Variants in LMCD1 observed in about 807,000 individuals in gnomAD.
LMCD1 encodes the protein LIM and cysteine-rich domains protein 1.
In LMCD1, 32 loss-of-function variants were observed where a neutral mutation model predicts 42.7. The ratio of observed to expected loss-of-function variants is 0.75; its 90% CI spans 0.57 to 1.01. The LOEUF (loss-of-function observed/expected upper bound fraction) is 1.01, where lower values mean the gene tolerates loss of function less well. Ranked by LOEUF, LMCD1 falls within the 50% of genes least tolerant of loss-of-function variation. LMCD1 has a pLI of 0.00. For missense variants in LMCD1, 458 were observed against 483.1 expected (o/e 0.95, Z 0.49); for synonymous variants, 178 against 184.9 (o/e 0.96, Z 0.30).
chr3:8,561,852 C>A (rs765706236), intron 4 of LMCD1, among the ~76,000 whole-genome samples: 9 of 139,754 alleles, frequency 6.4e-5, no homozygotes, highest in Non-Finnish European at 1.1e-4. Flanking sequence ...GACATGACAG[C>A]CATTGTCGTT....
chr3:8,535,294 A>G (rs919087479), intron 2 of LMCD1, among the ~76,000 whole-genome samples: 1 of 152,190 alleles, frequency 6.6e-6, no homozygotes, highest in African/African-American at 2.4e-5. Context: ...TGCAAAACAA[A>G]ACAACCCATT....
chr3:8,564,093 A>C (rs1457457392), intron 4 of LMCD1, among the ~76,000 whole-genome samples: 1 of 152,226 alleles, frequency 6.6e-6, no homozygotes, highest in African/African-American at 2.4e-5. Context: ...TGAACACGTG[A>C]ATAAAGTTTG....
At chr3:8,520,844 C>T (rs567331649) in intron 1 of LMCD1, among the ~76,000 whole-genome samples, 1 of 152,250 alleles carries the variant, frequency 6.6e-6, no homozygotes, top group African/African-American at 2.4e-5. Flanking sequence ...CATTAAAAGT[C>T]CACAAATGGA....
intron 1 of LMCD1, among the ~76,000 whole-genome samples, chr3:8,504,957 G>A (rs879741134): frequency 1.3e-5 from 2 of 152,180 alleles, no homozygotes; most frequent in Admixed American, 1.3e-4. Context: ...GTGTGCTCTT[G>A]GGCAAGCTAA....
chr3:8,543,581 C>T (rs527921844), intron 3 of LMCD1, among the ~76,000 whole-genome samples: 7 of 152,292 alleles, frequency 4.6e-5, no homozygotes, highest in Non-Finnish European at 1.0e-4. Flanking sequence ...CTCCTGAGCT[C>T]AAGCGATCCT....
At chr3:8,540,622 G>A (rs1342457196) in intron 3 of LMCD1, among the ~76,000 whole-genome samples, 1 of 152,216 alleles carries the variant, frequency 6.6e-6, no homozygotes, top group Middle Eastern at 3.2e-3. Context: ...GCAGGAAGGA[G>A]CAGATACCCT....
chr3:8,514,176 A>G (rs1293273397), intron 1 of LMCD1, among the ~76,000 whole-genome samples: 1 of 152,230 alleles, frequency 6.6e-6, no homozygotes, highest in Non-Finnish European at 1.5e-5. Context: ...CTACAAATCA[A>G]TTTAAAAATC....
At chr3:8,543,966 G>A (rs1326823396) in intron 3 of LMCD1, among the ~76,000 whole-genome samples, 1 of 152,202 alleles carries the variant, frequency 6.6e-6, no homozygotes, top group Non-Finnish European at 1.5e-5. Context: ...AGATACCCCA[G>A]TCTCCTAAGA....
At chr3:8,548,309 C>T (rs184511933) in intron 3 of LMCD1, among the ~76,000 whole-genome samples, 1 of 151,766 alleles carries the variant, frequency 6.6e-6, no homozygotes, top group Non-Finnish European at 1.5e-5. Context: ...CTAAGGGATG[C>T]GTGTTTTTCC....
intron 3 of LMCD1, among the ~76,000 whole-genome samples, chr3:8,544,001 A>G (rs957524481): frequency 2.0e-4 from 31 of 152,174 alleles, no homozygotes; most frequent in Non-Finnish European, 4.0e-4. Context: ...AGCCCTTCCC[A>G]GATGTTGCTG....
intron 4 of LMCD1, chr3:8,550,710 A>G (rs1460766368): frequency 4.1e-6 from 4 of 974,788 alleles, no homozygotes; most frequent in Admixed American, 1.3e-4. Context: ...TCTAGTTACC[A>G]TGGTCTATAA....
intron 4 of LMCD1, among the ~76,000 whole-genome samples, chr3:8,560,753 C>T (rs1339124051): frequency 1.3e-5 from 2 of 152,172 alleles, no homozygotes; most frequent in Non-Finnish European, 2.9e-5. Flanking sequence ...TGATGGGCTC[C>T]AAGCCAGCTG....
intron 1 of LMCD1, among the ~76,000 whole-genome samples, chr3:8,529,216 C>T (rs1030875230): frequency 6.6e-6 from 1 of 152,140 alleles, no homozygotes; most frequent in East Asian, 1.9e-4. Flanking sequence ...TTGAAGATAG[C>T]GGGGTCTGTC....
chr3:8,538,733 T>A (rs1694559063), intron 3 of LMCD1, among the ~76,000 whole-genome samples: 1 of 152,256 alleles, frequency 6.6e-6, no homozygotes, highest in African/African-American at 2.4e-5. Flanking sequence ...TCTTTTCGTT[T>A]CTTTAACAAC....
intron 2 of LMCD1, 89 bp from the exon 3 acceptor site, chr3:8,537,096 G>T: frequency 1.4e-6 from 2 of 1,430,848 alleles, no homozygotes; most frequent in Non-Finnish European, 1.9e-6. Context: ...GTTTTAGCTT[G>T]CTTTCAAAAG....
At chr3:8,542,895 G>T (rs576803107) in intron 3 of LMCD1, among the ~76,000 whole-genome samples, 21 of 152,306 alleles carry the variant, frequency 1.4e-4, no homozygotes, top group African/African-American at 4.6e-4. Flanking sequence ...AAGAGTGCCT[G>T]GATCATAGCA....
chr3:8,562,399 A>C (rs1222046833), intron 4 of LMCD1, among the ~76,000 whole-genome samples: 1 of 152,104 alleles, frequency 6.6e-6, no homozygotes, highest in Non-Finnish European at 1.5e-5. Context: ...CAATTCCCTG[A>C]GTTTAGTCTC....
rs377019751 is a variant in LMCD1, at chr3:8,523,163, T to G, written c.43-9574T>G. Among the ~76,000 whole-genome samples the G allele has an allele frequency of 8.7e-4, 133 of 152,378 alleles. 1 individual carries two copies. The highest frequency in any genetic ancestry group is 3.1e-3 in the African/African-American group (129 of 41,592). On this transcript the variant is annotated intron_variant, in intron 1 of 5. Coordinates refer to ENST00000157600, the MANE Select transcript of LMCD1 (RefSeq NM_014583.4). ...TTTCCATCCATAGAATTCTAAGTACTAGATCAGTAGGGCTCATCTCAATTT... is the reference window on the plus strand; with the variant it reads ...TTTCCATCCATAGAATTCTAAGTACGAGATCAGTAGGGCTCATCTCAATTT...
intron 5 of LMCD1, among the ~76,000 whole-genome samples, 158 bp downstream of exon 5, chr3:8,565,805 A>G (rs962679125): frequency 3.9e-5 from 6 of 152,220 alleles, no homozygotes; most frequent in Admixed American, 2.6e-4. Context: ...TCATTTTCTC[A>G]TCTGCAAAAT....
Sources: gnomAD v4.1 joint callset for allele counts (sites outside exome capture counted in the v4.1 genomes callset) on GRCh38, gnomAD v4.1.1 for gene constraint, MANE v1.5 for transcripts, NCBI Gene and HGNC (gene_info 2026-07-23, HGNC 2026-07-21) for gene names.